The following TF variants were observed in gnomAD, a reference collection of about 807,000 sequenced individuals.
TF encodes transferrin.
Under a neutral mutation model 82.4 loss-of-function variants are expected in TF, and 55 were observed. The ratio of observed to expected loss-of-function variants is 0.67; its 90% CI spans 0.54 to 0.84. The LOEUF (loss-of-function observed/expected upper bound fraction) is 0.84, where lower values mean the gene tolerates loss of function less well. TF is among the 40% of genes least tolerant of loss of function. TF has a pLI of 0.00. For missense variants in TF, 737 were observed against 868.4 expected (o/e 0.85, Z 1.90); for synonymous variants, 332 against 332.6 (o/e 1.00, Z 0.02).
At chr3:133,710,457 C>T in the TF span, among the ~76,000 whole-genome samples, 4 of 152,296 alleles carry the variant, frequency 2.6e-5, no homozygotes, top group East Asian at 1.9e-4. Flanking sequence ...CCACATTTCC[C>T]GGTGATTCTC....
At chr3:133,689,254 G>A in the TF span, among the ~76,000 whole-genome samples, 2 of 152,054 alleles carry the variant, frequency 1.3e-5, no homozygotes, top group Non-Finnish European at 2.9e-5. Flanking sequence ...AACCCAGGAG[G>A]CAGAGGTTGC....
Position 133,783,901 on chromosome 3 carries a change from C to G in TF, c.*5281C>G, listed in dbSNP as rs1359853740. 2 of 152,306 alleles carry G rather than the reference C, an allele frequency of 1.3e-5. No homozygotes were observed. Among genetic ancestry groups the G allele is most frequent in the Non-Finnish European group, 2.9e-5 (2 of 68,084 alleles). 9.4% of individuals were successfully genotyped at this position (152,306 alleles called of 1,614,324 possible). ...TCAGACGAAGCTTCTGCTGAGCCGC[C>G]TGGACGCAGCGCCCCTGGGTGGCGG... On this transcript the variant is annotated 3_prime_UTR_variant, in exon 17 of 17. Coordinates refer to ENST00000402696, the MANE Select transcript of TF (RefSeq NM_001063.4).
rs1559886174 is a variant in TF, at chr3:133,793,893, A to G, written c.*15273A>G. The G allele has an allele frequency of 6.6e-6, 1 of 152,206 alleles. No homozygotes were observed. The highest frequency in any genetic ancestry group is 6.5e-5 in the Admixed American group (1 of 15,284). 9.4% of individuals were successfully genotyped at this position (152,206 alleles called of 1,614,324 possible). ...GGTAAGAATTCCTGGAACTTTAATG[A>G]AAAGACTGACTGAGTTCTAAAACTG... is the stretch of plus-strand genomic sequence containing the variant. On this transcript the variant is annotated 3_prime_UTR_variant, in exon 17 of 17. Coordinates refer to ENST00000402696, the MANE Select transcript of TF (RefSeq NM_001063.4).
In TF at chr3:133,784,466, TAA is replaced by T. The variant is rs67395906; in HGVS notation, c.*5852_*5853del. 8.6e-6 allele frequency: 1 copy of T among 116,574 alleles called. No homozygotes were observed. The highest frequency in any genetic ancestry group is 1.7e-5 in the Non-Finnish European group (1 of 58,396). 7.2% of individuals were successfully genotyped at this position (116,574 alleles called of 1,614,324 possible). Reference sequence around the variant, plus strand: ...ACACATCTTGTAAATTCCCATTTGTTAAAAAAATAATAATAATAATAATAATA... The same window carrying T: ...ACACATCTTGTAAATTCCCATTTGTTAAAAATAATAATAATAATAATAATA... On this transcript the variant is annotated 3_prime_UTR_variant, in exon 17 of 17. Transcript: ENST00000402696.
Position 133,759,256 on chromosome 3 carries a change from G to T in TF, c.1130G>T (p.Trp377Leu). ...CACGAGAGGCTCAAGTGTGATGAGTGGAGTGTTAACAGTGTAGGGAAAATA... is the reference window on the plus strand; with the variant it reads ...CACGAGAGGCTCAAGTGTGATGAGTTGAGTGTTAACAGTGTAGGGAAAATA... ...SHHERLKCDE[W>L]SVNSVGKIEC... is the part of the protein sequence containing the mutation. Residue 377 changes from tryptophan to leucine, a missense_variant, in exon 9 of 17, where the codon TGG becomes TTG. Physicochemically the swap from Trp to Leu is moderately conservative, Grantham distance 61. Transcript: ENST00000402696. 1 of 1,614,112 alleles carries T rather than the reference G, an allele frequency of 6.2e-7. No homozygotes were observed. Among genetic ancestry groups the T allele is most frequent in the Non-Finnish European group, 8.5e-7 (1 of 1,180,024 alleles).
chr3:133,713,786 C>T, the TF span, among the ~76,000 whole-genome samples: 35 of 152,030 alleles, frequency 2.3e-4, no homozygotes, highest in Admixed American at 5.2e-4. Flanking sequence ...TGGTTGGGGT[C>T]CCTGCCACCC....
chr3:133,740,919 T>C, the TF span, among the ~76,000 whole-genome samples: 1 of 149,712 alleles, frequency 6.7e-6, no homozygotes, highest in Non-Finnish European at 1.5e-5. Flanking sequence ...TGTTTTTTTT[T>C]TTTTTTTTAA....
chr3:133,770,479 T>C (rs1346677304), intron 13 of TF, 29 bp from the exon 14 acceptor site: 2 of 1,613,668 alleles, frequency 1.2e-6, no homozygotes, highest in Admixed American at 1.7e-5. Context: ...CCGCCTTTTT[T>C]TTTCTCTCCC....
Position 133,783,012 on chromosome 3 carries a change from C to G in TF, c.*4392C>G, listed in dbSNP as rs149893605. On this transcript the variant is annotated 3_prime_UTR_variant, in exon 17 of 17. Transcript: ENST00000402696. ...ACTCCAGCCTGGGGACAGGAGACCC[C>G]GTCTCAAACAAAACAAAACCAAGTA... is the stretch of plus-strand genomic sequence containing the variant. 6.6e-6 allele frequency: 1 copy of G among 151,862 alleles called. No homozygotes were observed. The highest frequency in any genetic ancestry group is 1.5e-5 in the Non-Finnish European group (1 of 68,004). 9.4% of individuals were successfully genotyped at this position (151,862 alleles called of 1,614,324 possible).
Position 133,756,721 on chromosome 3 carries a change from T to C in TF, c.692-110T>C, listed in dbSNP as rs1449008589. On this transcript the variant is annotated intron_variant, in intron 6 of 16. Transcript: ENST00000402696. ...CCGCATGTTCTCTGGCCTTCAGTGC[T>C]CACTCCAGACCTCTCAGCTCATACT... is the stretch of plus-strand genomic sequence containing the variant. The C allele has an allele frequency of 2.1e-6, 3 of 1,399,266 alleles. No homozygotes were observed. In the African/African-American group the frequency reaches 4.2e-5, roughly 20 times the overall value. The allele number at this position is 1,399,266 out of a possible 1,614,324, so 86.7% of individuals were successfully genotyped here. A position where few individuals can be genotyped will look rare whatever the true frequency, so the allele number is the denominator to read the frequency against.
chr3:133,690,530 A>G, the TF span, among the ~76,000 whole-genome samples: 2 of 152,222 alleles, frequency 1.3e-5, no homozygotes, highest in African/African-American at 4.8e-5. Context: ...CATTTCTGGA[A>G]ACCAACTTAG....
At chr3:133,711,844 G>A in the TF span, among the ~76,000 whole-genome samples, 2 of 151,832 alleles carry the variant, frequency 1.3e-5, no homozygotes, top group African/African-American at 4.8e-5. Context: ...TCTGGACCCT[G>A]CCCCCCACTG....
intron 15 of TF, among the ~76,000 whole-genome samples, chr3:133,776,724 A>T (rs1934401569): frequency 6.6e-6 from 1 of 151,980 alleles, no homozygotes; most frequent in African/African-American, 2.4e-5. Flanking sequence ...TTGTCCTCTC[A>T]TTTCCTATAA....
At chr3:133,696,793 CT>C in the TF span, among the ~76,000 whole-genome samples, 29 of 142,000 alleles carry the variant, frequency 2.0e-4, no homozygotes, top group East Asian at 3.9e-4. Context: ...ACTTCTTCTT[CT>C]TTTTTTTTTT....
At position 133,792,399 on chromosome 3, in the gene TF, C is replaced by G. The variant is rs1037164225; in HGVS notation, c.*13779C>G. 10 of 152,078 alleles carry G rather than the reference C, an allele frequency of 6.6e-5. No homozygotes were observed. Among genetic ancestry groups the G allele is most frequent in the African/African-American group, 2.4e-4 (10 of 41,408 alleles). The allele number at this position is 152,078 out of a possible 1,614,324, so 9.4% of individuals were successfully genotyped here. ...ATATACAATTTAACGGTGATTAGAC[C>G]TCCTAAATGCTTCATAAAATGCCAC... On this transcript the variant is annotated 3_prime_UTR_variant, in exon 17 of 17. Coordinates refer to ENST00000402696, the MANE Select transcript of TF (RefSeq NM_001063.4).
chr3:133,681,879 T>A, the TF span, among the ~76,000 whole-genome samples: 1 of 152,146 alleles, frequency 6.6e-6, no homozygotes, highest in Non-Finnish European at 1.5e-5. Flanking sequence ...GAGTTTGAGA[T>A]CTGAGAATGG....
the TF span, among the ~76,000 whole-genome samples, chr3:133,696,206 C>T: frequency 1.3e-5 from 2 of 152,072 alleles, no homozygotes; most frequent in Non-Finnish European, 2.9e-5. Context: ...AGGAGAATCG[C>T]TTAAGCCTCC....
the TF span, chr3:133,699,817 AC>A: frequency 9.2e-6 from 2 of 217,546 alleles, no homozygotes; most frequent in Non-Finnish European, 9.3e-6. Flanking sequence ...GAGGAATAAA[AC>A]CTCATCTGGA....
intron 7 of TF, 27 bp downstream of exon 7, chr3:133,757,036 C>T: frequency 1.2e-6 from 2 of 1,614,068 alleles, no homozygotes; most frequent in South Asian, 2.2e-5. Context: ...TCCTCCCCTC[C>T]AGCTTAGTGC....
Sources: gnomAD v4.1 joint callset for allele counts (sites outside exome capture counted in the v4.1 genomes callset) on GRCh38, gnomAD v4.1.1 for gene constraint, MANE v1.5 for transcripts, NCBI Gene and HGNC (gene_info 2026-07-23, HGNC 2026-07-21) for gene names.